KCNIP4: variants seen among roughly 807,000 people sequenced by gnomAD.
KCNIP4 encodes the protein potassium voltage-gated channel interacting protein 4.
A neutral mutation model predicts 34.0 loss-of-function variants in KCNIP4; 12 were observed. The ratio of observed to expected loss-of-function variants is 0.35; its 90% CI spans 0.23 to 0.57. The LOEUF is 0.57. KCNIP4 is among the 20% of genes least tolerant of loss of function. KCNIP4 has a pLI of 0.83. For synonymous variants in KCNIP4, 124 were observed against 102.2 expected (o/e 1.21, Z -1.29); for missense variants, 238 against 311.7 (o/e 0.76, Z 1.78).
chr4:21,117,473 C>A (rs965413982), intron 1 of KCNIP4, among the ~76,000 whole-genome samples: 1 of 151,984 alleles, frequency 6.6e-6, no homozygotes, highest in Non-Finnish European at 1.5e-5. Context: ...TCTGAGAGTT[C>A]CATTTAAATA....
chr4:21,518,523 T>C (rs1734959564), intron 1 of KCNIP4, among the ~76,000 whole-genome samples: 2 of 152,056 alleles, frequency 1.3e-5, no homozygotes, highest in South Asian at 4.2e-4. Flanking sequence ...CTCAGCCCCA[T>C]TCAGCTCTCA....
At chr4:21,891,847 A>G (rs187265797) in intron 1 of KCNIP4, among the ~76,000 whole-genome samples, 2 of 152,226 alleles carry the variant, frequency 1.3e-5, no homozygotes, top group African/African-American at 2.4e-5. Flanking sequence ...TAAATTAGGA[A>G]TTCCTAGGCA....
chr4:20,877,960 T>TTC lies in KCNIP4; in HGVS notation c.163+4646_163+4647dup, dbSNP rs200014631. On this transcript the variant is annotated intron_variant, in intron 2 of 8. Transcript: ENST00000382152. ...CAGGCAAAGGGCCAGAGCTAATGTT[T>TTC]TCTCTCTCTCTTTTTTTTTTTCCAA... 7.7e-5 allele frequency among the ~76,000 whole-genome samples: 10 copies of TTC among 129,286 alleles called. No homozygotes were observed. The East Asian group carries it at 1.2e-3, about 16-fold the overall frequency. 84.8% of individuals were successfully genotyped at this position (129,286 alleles called of 152,430 possible). A position where few individuals can be genotyped will look rare whatever the true frequency, so the allele number is the denominator to read the frequency against.
At chr4:21,743,803 A>C (rs1201649335) in intron 1 of KCNIP4, among the ~76,000 whole-genome samples, 1 of 149,850 alleles carries the variant, frequency 6.7e-6, no homozygotes, top group Non-Finnish European at 1.5e-5. Context: ...ATTTTCTGCA[A>C]ATTACACAGC....
At chr4:21,444,189 C>G (rs1464106849) in intron 1 of KCNIP4, among the ~76,000 whole-genome samples, 1 of 152,108 alleles carries the variant, frequency 6.6e-6, no homozygotes, top group African/African-American at 2.4e-5. Context: ...CGAATTCTAC[C>G]AGAGGTACAA....
At chr4:20,938,875 T>C (rs538287217) in intron 1 of KCNIP4, among the ~76,000 whole-genome samples, 1 of 152,210 alleles carries the variant, frequency 6.6e-6, no homozygotes. Context: ...TCAACCTCTT[T>C]ATCCTGAACT....
At chr4:20,943,721 T>C (rs140602959) in intron 1 of KCNIP4, among the ~76,000 whole-genome samples, 6 of 152,240 alleles carry the variant, frequency 3.9e-5, no homozygotes, top group African/African-American at 1.4e-4. Context: ...TACATGACAC[T>C]GCAGGACCAA....
intron 1 of KCNIP4, among the ~76,000 whole-genome samples, chr4:21,394,732 A>C (rs184870943): frequency 2.0e-4 from 30 of 152,242 alleles, no homozygotes; most frequent in African/African-American, 6.3e-4. Context: ...CTCCCTATAG[A>C]TCATCCTTTG....
chr4:21,924,253 T>G (rs1214900186), intron 1 of KCNIP4, among the ~76,000 whole-genome samples: 2 of 149,500 alleles, frequency 1.3e-5, no homozygotes, highest in Non-Finnish European at 3.0e-5. Context: ...CTTTTTTTTT[T>G]TTTTTTTTGA....
At chr4:21,765,170 T>G (rs1718326455) in intron 1 of KCNIP4, among the ~76,000 whole-genome samples, 1 of 106,328 alleles carries the variant, frequency 9.4e-6, no homozygotes, top group Non-Finnish European at 2.5e-5. Context: ...TTTTTTTTTT[T>G]TCCGAGACAG....
chr4:21,585,023 C>G (rs946246576), intron 1 of KCNIP4, among the ~76,000 whole-genome samples: 1 of 152,020 alleles, frequency 6.6e-6, no homozygotes, highest in Non-Finnish European at 1.5e-5. Flanking sequence ...GAACAAAAAG[C>G]TTAACATAGT....
chr4:21,504,254 G>A (rs1733604260), intron 1 of KCNIP4, among the ~76,000 whole-genome samples: 1 of 151,938 alleles, frequency 6.6e-6, no homozygotes, highest in Admixed American at 6.6e-5. Flanking sequence ...GATCACCTGA[G>A]GTCAGGAGTT....
intron 1 of KCNIP4, among the ~76,000 whole-genome samples, chr4:21,288,631 A>G (rs1003501256): frequency 1.3e-5 from 2 of 152,166 alleles, no homozygotes; most frequent in African/African-American, 2.4e-5. Context: ...CACAGAAAGG[A>G]TAAGCATGGT....
At chr4:21,619,088 C>G (rs972480685) in intron 1 of KCNIP4, among the ~76,000 whole-genome samples, 1 of 152,112 alleles carries the variant, frequency 6.6e-6, no homozygotes, top group African/African-American at 2.4e-5. Context: ...AAGTGAGACT[C>G]AATACATGTT....
chr4:21,184,973 T>C (rs1490642229), intron 1 of KCNIP4, among the ~76,000 whole-genome samples: 1 of 152,168 alleles, frequency 6.6e-6, no homozygotes, highest in East Asian at 1.9e-4. Context: ...ATATTTTTGG[T>C]TGCCACCAGG....
chr4:21,231,922 T>A (rs1199723841), intron 1 of KCNIP4, among the ~76,000 whole-genome samples: 1 of 152,138 alleles, frequency 6.6e-6, no homozygotes, highest in Admixed American at 6.6e-5. Flanking sequence ...AAGACATAGA[T>A]AAGTGCATGC....
chr4:21,686,185 A>C (rs1387361774), intron 1 of KCNIP4, among the ~76,000 whole-genome samples: 2 of 152,218 alleles, frequency 1.3e-5, no homozygotes, highest in Non-Finnish European at 2.9e-5. Context: ...GTGGTCTTGA[A>C]AAATAAAAAT....
At chr4:21,112,562 A>G (rs1749313421) in intron 1 of KCNIP4, among the ~76,000 whole-genome samples, 1 of 152,256 alleles carries the variant, frequency 6.6e-6, no homozygotes, top group Non-Finnish European at 1.5e-5. Context: ...TGTACAATCA[A>G]GAAGTCTCCA....
At chr4:21,796,958 G>A (rs186639342) in intron 1 of KCNIP4, among the ~76,000 whole-genome samples, 242 of 152,160 alleles carry the variant, frequency 1.6e-3, no homozygotes, top group Non-Finnish European at 2.5e-3. Context: ...TCTGACATTG[G>A]CAAAGCTTGG....
Sources: allele counts gnomAD v4.1 joint callset (sites outside exome capture counted in the v4.1 genomes callset), GRCh38; gene constraint gnomAD v4.1.1; transcripts MANE v1.5; gene names NCBI Gene and HGNC (gene_info 2026-07-23, HGNC 2026-07-21).